The following SYT17 variants were observed in gnomAD, a reference collection of about 807,000 sequenced individuals.
The protein encoded by SYT17 is synaptotagmin 17, also known as synaptotagmin-17.
SYT17 carries 22 observed loss-of-function variants against 46.7 expected under a neutral mutation model. The observed-to-expected ratio is 0.47, with a 90% CI of 0.34 to 0.67. The LOEUF (loss-of-function observed/expected upper bound fraction) is 0.67, where lower values mean the gene tolerates loss of function less well. Ranked by LOEUF, SYT17 falls within the 30% of genes least tolerant of loss-of-function variation. The pLI is 0.01. For synonymous variants in SYT17, 251 were observed against 248.4 expected (o/e 1.01, Z -0.10); for missense variants, 519 against 612.8 (o/e 0.85, Z 1.62).
At chr16:19,210,465 TA>T (rs1289538066) in intron 5 of SYT17, among the ~76,000 whole-genome samples, 18 of 150,138 alleles carry the variant, frequency 1.2e-4, no homozygotes, top group South Asian at 6.3e-4. Flanking sequence ...TATTTTTTTT[TA>T]AAAGGGTATT....
intron 5 of SYT17, among the ~76,000 whole-genome samples, chr16:19,185,163 C>T (rs1567202513): frequency 4.0e-5 from 6 of 150,172 alleles, no homozygotes; most frequent in African/African-American, 2.5e-5. Context: ...CCTCCTTCCC[C>T]TCCTTCCTCC....
At chr16:19,218,004 T>C (rs1400460141) in intron 5 of SYT17, among the ~76,000 whole-genome samples, 2 of 152,254 alleles carry the variant, frequency 1.3e-5, no homozygotes, top group Admixed American at 1.3e-4. Flanking sequence ...GGGCTGAGTT[T>C]GAACCTTGTT....
intron 5 of SYT17, among the ~76,000 whole-genome samples, chr16:19,197,647 G>A (rs116025837): frequency 2.4e-3 from 358 of 152,156 alleles, no homozygotes; most frequent in African/African-American, 7.8e-3. Flanking sequence ...GGCTGGTCTT[G>A]AGCTTCTAGC....
intron 5 of SYT17, among the ~76,000 whole-genome samples, chr16:19,204,682 G>C (rs1017508702): frequency 6.6e-6 from 1 of 152,086 alleles, no homozygotes; most frequent in Non-Finnish European, 1.5e-5. Flanking sequence ...CGGGGCACTT[G>C]TGAAACATTC....
At chr16:19,238,589 A>AGCT (rs1197366583) in intron 7 of SYT17, among the ~76,000 whole-genome samples, 1 of 152,254 alleles carries the variant, frequency 6.6e-6, no homozygotes, top group African/African-American at 2.4e-5. Flanking sequence ...AGATCAGGCC[A>AGCT]GCTGCCAGGG....
chr16:19,212,629 A>T (rs1220255166), intron 5 of SYT17, among the ~76,000 whole-genome samples: 1 of 152,052 alleles, frequency 6.6e-6, no homozygotes, highest in Non-Finnish European at 1.5e-5. Flanking sequence ...CACAATAAAT[A>T]AATAAATAAG....
chr16:19,246,564 G>C (rs1402447077), intron 7 of SYT17, among the ~76,000 whole-genome samples: 1 of 152,106 alleles, frequency 6.6e-6, no homozygotes, highest in Non-Finnish European at 1.5e-5. Context: ...CTCTTTCCAG[G>C]AATGTATGCA....
intron 3 of SYT17, among the ~76,000 whole-genome samples, chr16:19,174,046 G>A (rs1340438049): frequency 6.6e-6 from 1 of 152,170 alleles, no homozygotes; most frequent in East Asian, 1.9e-4. Flanking sequence ...GCATGGATGG[G>A]TAGACGGAAT....
chr16:19,184,671 C>G lies in SYT17; in HGVS notation c.951+524C>G, dbSNP rs953444241. Among the ~76,000 whole-genome samples, 4 of 151,956 alleles carry G rather than the reference C, an allele frequency of 2.6e-5. No individual in the cohort carries two copies. In the South Asian group the frequency reaches 6.3e-4, roughly 24 times the overall value. On this transcript the variant is annotated intron_variant, in intron 5 of 7. Transcript: ENST00000355377. ...TTACATGCATCACTCATGTGTGTGT[C>G]TTTCTGTGAAAATTTATCACATGTA...
At chr16:19,176,826 C>T (rs184388575) in intron 3 of SYT17, among the ~76,000 whole-genome samples, 15 of 152,274 alleles carry the variant, frequency 9.9e-5, no homozygotes, top group East Asian at 1.9e-4. Context: ...TGTGAATTAT[C>T]GCTTGATTAA....
chr16:19,223,237 C>A, intron 6 of SYT17, 72 bp downstream of exon 6: 1 of 1,569,094 alleles, frequency 6.4e-7, no homozygotes. Context: ...ACCCAGTTTT[C>A]TTTTTCCGTA....
intron 7 of SYT17, among the ~76,000 whole-genome samples, chr16:19,243,157 C>G (rs928996840): frequency 2.0e-5 from 3 of 152,090 alleles, no homozygotes; most frequent in African/African-American, 7.2e-5. Context: ...CAAAACAAAG[C>G]AAACAGGTGG....
At chr16:19,250,359 T>TTG (rs55818940) in intron 7 of SYT17, among the ~76,000 whole-genome samples, 27,440 of 132,280 alleles carry the variant, frequency 0.21, 2,857 homozygotes, top group Middle Eastern at 0.33. Flanking sequence ...TCAAACATGT[T>TTG]TGTGTGTGTG....
At chr16:19,259,309 G>T (rs889561811) in intron 7 of SYT17, among the ~76,000 whole-genome samples, 1 of 152,176 alleles carries the variant, frequency 6.6e-6, no homozygotes, top group African/African-American at 2.4e-5. Context: ...TTTAAACAAG[G>T]CTTAACATTT....
rs1964506752 is a variant in SYT17, at chr16:19,180,513, C to T, written c.305C>T (p.Thr102Ile). The change falls in exon 4 of 8, where the codon ACA (threonine) becomes ATA (isoleucine). Residue 102 changes from threonine (T) to isoleucine (I), a missense_variant. Coordinates refer to ENST00000355377, the MANE Select transcript of SYT17 (RefSeq NM_016524.4). ...RRSSSDTSKS[T>I]YSLTRRISSL... Reference sequence around the variant, plus strand: ...TCGTCCTCAGACACATCCAAGTCTACATACAGCCTGACGCGGAGGATTTCG... The same window carrying T: ...TCGTCCTCAGACACATCCAAGTCTATATACAGCCTGACGCGGAGGATTTCG... 6.2e-7 allele frequency: 1 copy of T among 1,614,230 alleles called. No homozygotes were observed. The highest frequency in any genetic ancestry group is 1.3e-5 in the African/African-American group (1 of 75,070).
chr16:19,246,001 ATTAT>A lies in SYT17; in HGVS notation c.1229-20868_1229-20865del, dbSNP rs1477171084. Among the ~76,000 whole-genome samples the A allele has an allele frequency of 3.3e-5, 5 of 151,472 alleles. No individual in the cohort carries two copies. In the East Asian group the frequency reaches 7.7e-4, roughly 23 times the overall value. ...TAGATATAATTCCTATATTTTGTAT[ATTAT>A]TTATTTATTTTTTTTTTTGAGACAG... On this transcript the variant is annotated intron_variant, in intron 7 of 7. Coordinates refer to ENST00000355377, the MANE Select transcript of SYT17 (RefSeq NM_016524.4).
chr16:19,206,983 G>T (rs1965697088), intron 5 of SYT17, among the ~76,000 whole-genome samples: 1 of 152,150 alleles, frequency 6.6e-6, no homozygotes, highest in Admixed American at 6.5e-5. Flanking sequence ...TTGGGTCATG[G>T]GAGTGGATCC....
At chr16:19,231,081 T>A (rs1596988777) in intron 7 of SYT17, among the ~76,000 whole-genome samples, 1 of 152,204 alleles carries the variant, frequency 6.6e-6, no homozygotes, top group Non-Finnish European at 1.5e-5. Context: ...AAAAAATTAT[T>A]TTGCAGAATT....
chr16:19,188,065 C>G (rs190081763), intron 5 of SYT17, among the ~76,000 whole-genome samples: 24 of 152,220 alleles, frequency 1.6e-4, no homozygotes, highest in Admixed American at 5.9e-4. Context: ...TTCACAATAG[C>G]AAAGGCATGG....
Sources: allele counts gnomAD v4.1 joint callset (sites outside exome capture counted in the v4.1 genomes callset), GRCh38; gene constraint gnomAD v4.1.1; transcripts MANE v1.5; gene names NCBI Gene and HGNC (gene_info 2026-07-23, HGNC 2026-07-21).